PARD3: variants seen among roughly 807,000 people sequenced by gnomAD.
PARD3 encodes the protein partitioning defective 3 homolog.
A neutral mutation model predicts 155.4 loss-of-function variants in PARD3; 75 were observed. The ratio of observed to expected loss-of-function variants is 0.48; its 90% CI spans 0.40 to 0.58. The LOEUF (loss-of-function observed/expected upper bound fraction) is 0.58, where lower values mean the gene tolerates loss of function less well. Among genes scored for constraint, PARD3 ranks in the 20% least tolerant of loss-of-function variants. The pLI, the probability that PARD3 is intolerant of heterozygous loss-of-function variation, is 0.00. For missense variants in PARD3, 1,642 were observed against 1,721.7 expected, an observed-to-expected ratio of 0.95 and a Z score of 0.82; for synonymous variants, 576 against 610.5, an observed-to-expected ratio of 0.94 and a Z score of 0.83.
At chr10:34,655,650 A>G (rs1437192013) in intron 2 of PARD3, among the ~76,000 whole-genome samples, 1 of 152,228 alleles carries the variant, frequency 6.6e-6, no homozygotes, top group African/African-American at 2.4e-5. Flanking sequence ...TAAGGGGATG[A>G]GAACGCTGAC....
chr10:34,213,879 T>A (rs1213729090), intron 22 of PARD3, among the ~76,000 whole-genome samples: 1 of 152,184 alleles, frequency 6.6e-6, no homozygotes, highest in Non-Finnish European at 1.5e-5. Flanking sequence ...TATCTTTTTA[T>A]ATTAATTCTT....
rs16935331 is a variant in PARD3, at chr10:34,333,612, C to T, written c.2606-2268G>A. On this transcript the variant is annotated intron_variant, in intron 18 of 24. Coordinates refer to ENST00000374788, the MANE Select transcript of PARD3 (RefSeq NM_001184785.2). ...AATTATACAAAATGTCAATTATCTACAACTTCTGAACCTGTAACACAGATC... is the reference window on the plus strand; with the variant it reads ...AATTATACAAAATGTCAATTATCTATAACTTCTGAACCTGTAACACAGATC... 7.3e-3 allele frequency among the ~76,000 whole-genome samples: 1,115 copies of T among 152,112 alleles called. 13 individuals are homozygous for T. The highest frequency in any genetic ancestry group is 0.025 in the African/African-American group (1,053 of 41,542).
At chr10:34,702,317 C>T (rs2094294243) in intron 1 of PARD3, among the ~76,000 whole-genome samples, 1 of 152,006 alleles carries the variant, frequency 6.6e-6, no homozygotes, top group Admixed American at 6.6e-5. Context: ...GACTGCGTCA[C>T]TGCATTCCAG....
chr10:34,697,941 T>A (rs751029905), intron 1 of PARD3, among the ~76,000 whole-genome samples: 1 of 151,824 alleles, frequency 6.6e-6, no homozygotes, highest in Non-Finnish European at 1.5e-5. Flanking sequence ...AAGAATGAAG[T>A]CCCAAAACCA....
intron 7 of PARD3, among the ~76,000 whole-genome samples, chr10:34,396,877 CTATCAT>C (rs1589426872): frequency 6.6e-6 from 1 of 152,160 alleles, no homozygotes; most frequent in Non-Finnish European, 1.5e-5. Flanking sequence ...CCTTTACAAG[CTATCAT>C]CACATTTAAA....
chr10:34,390,434 T>C (rs1360769041), intron 7 of PARD3, among the ~76,000 whole-genome samples: 2 of 152,208 alleles, frequency 1.3e-5, no homozygotes, highest in Non-Finnish European at 2.9e-5. Flanking sequence ...ATAAAATCTC[T>C]TCTCATGATT....
chr10:34,714,321 A>G (rs570857639), intron 1 of PARD3, among the ~76,000 whole-genome samples: 167 of 152,336 alleles, frequency 1.1e-3, no homozygotes, highest in African/African-American at 3.7e-3. Context: ...CTACATGAAT[A>G]TAACAGAGTA....
At chr10:34,807,983 T>A (rs10827434) in intron 1 of PARD3, among the ~76,000 whole-genome samples, 53,774 of 152,192 alleles carry the variant, frequency 0.35, 10,657 homozygotes, top group African/African-American at 0.55. Context: ...TTTACTTATT[T>A]ACTAAATAAG....
chr10:34,493,333 G>A (rs1457414857), intron 3 of PARD3, among the ~76,000 whole-genome samples: 4 of 152,182 alleles, frequency 2.6e-5, no homozygotes, highest in African/African-American at 9.7e-5. Flanking sequence ...ACCTGTCTGC[G>A]TGTGGCACAG....
chr10:34,256,048 G>C (rs1451242837), intron 22 of PARD3, among the ~76,000 whole-genome samples: 2 of 152,102 alleles, frequency 1.3e-5, no homozygotes, highest in Non-Finnish European at 2.9e-5. Flanking sequence ...ACCTATAATA[G>C]AGTTTAAAAA....
At position 34,269,752 on chromosome 10, in the gene PARD3, G is replaced by A. The variant is rs944758776; in HGVS notation, c.3324C>T (p.Asn1108=). 9.3e-6 allele frequency: 15 copies of A among 1,613,904 alleles called. No individual in the cohort carries two copies. Among genetic ancestry groups the A allele is most frequent in the South Asian group, 4.4e-5 (4 of 91,070 alleles). Residue 1108 remains asparagine (N), a synonymous_variant, in exon 22 of 25, where the codon AAC becomes AAT. Coordinates refer to ENST00000374788, the MANE Select transcript of PARD3 (RefSeq NM_001184785.2). The part of the protein sequence containing the change: ...VSSYEGSMAL[N]ARPQSPREGH... ...CTTCTCGTGGGCTCTGAGGTCTAGC[G>A]TTGAGAGCCATGGAACCTTCATAAG...
chr10:34,415,318 A>G (rs1368155480), intron 5 of PARD3, among the ~76,000 whole-genome samples: 1 of 152,212 alleles, frequency 6.6e-6, no homozygotes, highest in Non-Finnish European at 1.5e-5. Context: ...GCTCAGGGGA[A>G]GGGAGAAGTC....
intron 22 of PARD3, among the ~76,000 whole-genome samples, chr10:34,186,207 C>A (rs527524320): frequency 6.6e-6 from 1 of 152,066 alleles, no homozygotes; most frequent in East Asian, 1.9e-4. Flanking sequence ...CAAAACCCAG[C>A]CCTAAAGCCG....
intron 5 of PARD3, among the ~76,000 whole-genome samples, chr10:34,416,883 T>C (rs1267111572): frequency 6.6e-6 from 1 of 152,262 alleles, no homozygotes; most frequent in Non-Finnish European, 1.5e-5. Flanking sequence ...CATACTTGAC[T>C]TCATCTTGCT....
chr10:34,587,043 T>A (rs2088133014), intron 2 of PARD3, among the ~76,000 whole-genome samples: 1 of 152,224 alleles, frequency 6.6e-6, no homozygotes, highest in African/African-American at 2.4e-5. Context: ...ATTGACATCC[T>A]AATGCCCAGC....
intron 2 of PARD3, among the ~76,000 whole-genome samples, chr10:34,570,652 T>A (rs553319901): frequency 3.0e-4 from 45 of 152,288 alleles, no homozygotes; most frequent in African/African-American, 9.4e-4. Context: ...TTTGTTCATG[T>A]GGGTGAAATC....
intron 2 of PARD3, among the ~76,000 whole-genome samples, chr10:34,679,025 T>C (rs1161681442): frequency 1.3e-5 from 2 of 151,896 alleles, no homozygotes; most frequent in Non-Finnish European, 2.9e-5. Flanking sequence ...GAAGACAAAA[T>C]CCTCAACAGC....
intron 10 of PARD3, among the ~76,000 whole-genome samples, chr10:34,377,537 C>G (rs904204911): frequency 1.3e-5 from 2 of 152,180 alleles, no homozygotes; most frequent in Admixed American, 1.3e-4. Flanking sequence ...CTGCAGTAAG[C>G]TGAGATTGTG....
chr10:34,127,798 C>T (rs923788990), intron 23 of PARD3, among the ~76,000 whole-genome samples: 1 of 152,002 alleles, frequency 6.6e-6, no homozygotes, highest in East Asian at 1.9e-4. Context: ...ACACCATGCT[C>T]ATTACTCTTT....
Sources: allele counts gnomAD v4.1 joint callset (sites outside exome capture counted in the v4.1 genomes callset), GRCh38; gene constraint gnomAD v4.1.1; transcripts MANE v1.5; gene names NCBI Gene and HGNC (gene_info 2026-07-23, HGNC 2026-07-21).